The following SLAIN2 variants were observed in gnomAD, a reference collection of about 807,000 sequenced individuals.
The protein encoded by SLAIN2 is SLAIN motif-containing protein 2.
Under a neutral mutation model 56.6 loss-of-function variants are expected in SLAIN2, and 31 were observed. The observed-to-expected ratio is 0.55, with a 90% CI of 0.41 to 0.74. The LOEUF (loss-of-function observed/expected upper bound fraction) is 0.74. SLAIN2 is among the 30% of genes least tolerant of loss of function. SLAIN2 has a pLI of 0.00. For synonymous variants in SLAIN2, 317 were observed against 284.9 expected (o/e 1.11, Z -1.13); for missense variants, 777 against 754.2 (o/e 1.03, Z -0.35).
chr4:48,346,374 T>C (rs1382708397), intron 1 of SLAIN2, among the ~76,000 whole-genome samples: 2 of 152,224 alleles, frequency 1.3e-5, no homozygotes, highest in Non-Finnish European at 2.9e-5. Context: ...CATTTTAAGC[T>C]ACATTCTGGC....
intron 5 of SLAIN2, 136 bp from the exon 6 acceptor site, chr4:48,383,511 G>A: frequency 2.9e-6 from 2 of 686,948 alleles, no homozygotes; most frequent in Non-Finnish European, 2.2e-6. Context: ...TTTTTAATAA[G>A]ACAAGTCCTT....
rs559778132 is a variant in SLAIN2, at chr4:48,341,976, C to T, written c.237C>T (p.Pro79=). The T allele has an allele frequency of 6.0e-5, 86 of 1,432,834 alleles. No individual in the cohort carries two copies. The highest frequency in any genetic ancestry group is 7.5e-5 in the Non-Finnish European group (82 of 1,099,776). 88.8% of individuals were successfully genotyped at this position (1,432,834 alleles called of 1,614,324 possible). Residue 79 remains proline, a synonymous_variant, in exon 1 of 8, where the codon CCC becomes CCT. Transcript: ENST00000264313. ...LGLSAKSGGG[P]GSGPRRTSSE... ...TCAGCGCCAAGTCGGGCGGCGGGCC[C>T]GGGTCGGGCCCGAGGCGGACGAGTA...
At chr4:48,411,893 A>G (rs1716856377) in intron 6 of SLAIN2, among the ~76,000 whole-genome samples, 1 of 152,082 alleles carries the variant, frequency 6.6e-6, no homozygotes, top group Non-Finnish European at 1.5e-5. Context: ...ACTTCTTCCT[A>G]CCCACTTGTA....
rs550564256 is a variant in SLAIN2, at chr4:48,348,828, C to T, written c.389+6700C>T. On this transcript the variant is annotated intron_variant, in intron 1 of 7. Coordinates refer to ENST00000264313, the MANE Select transcript of SLAIN2 (RefSeq NM_020846.2). ...TTCTCTGAATATCCTCAGTAATGGC[C>T]AGTTGTTTTCCTCTTGAGGGTAGGT... Among the ~76,000 whole-genome samples the T allele has an allele frequency of 2.6e-5, 4 of 152,156 alleles. No homozygotes were observed. In the East Asian group the frequency reaches 7.7e-4, roughly 29 times the overall value.
chr4:48,379,625 C>T, intron 3 of SLAIN2, 65 bp from the exon 4 acceptor site: 3 of 1,213,466 alleles, frequency 2.5e-6, no homozygotes, highest in Non-Finnish European at 3.2e-6. Flanking sequence ...AAGTTAGTTG[C>T]AGTAGGCATT....
chr4:48,408,795 C>T (rs1716771356), intron 6 of SLAIN2, among the ~76,000 whole-genome samples: 1 of 151,754 alleles, frequency 6.6e-6, no homozygotes, highest in South Asian at 2.1e-4. Flanking sequence ...ATAAGGTTTG[C>T]AGTAGGGTGT....
chr4:48,344,954 A>T (rs1460337241), intron 1 of SLAIN2, among the ~76,000 whole-genome samples: 2 of 152,202 alleles, frequency 1.3e-5, no homozygotes, highest in Non-Finnish European at 2.9e-5. Context: ...TAACTCAGAA[A>T]AGTTTAGGGA....
chr4:48,404,210 TC>T (rs1194012186), intron 6 of SLAIN2, among the ~76,000 whole-genome samples: 1 of 152,220 alleles, frequency 6.6e-6, no homozygotes, highest in East Asian at 1.9e-4. Context: ...CACTGCTACT[TC>T]CAATTGACCA....
chr4:48,406,525 C>CTTT (rs34797619), intron 6 of SLAIN2, among the ~76,000 whole-genome samples: 4 of 135,088 alleles, frequency 3.0e-5, no homozygotes, highest in Admixed American at 1.5e-4. Flanking sequence ...CTCTCTCTCT[C>CTTT]TTTTTTTTTT....
chr4:48,420,543 T>TC (rs1266398845), intron 7 of SLAIN2, 100 bp downstream of exon 7: 18 of 1,322,164 alleles, frequency 1.4e-5, no homozygotes, highest in Non-Finnish European at 1.9e-5. Flanking sequence ...AAACAGAAAG[T>TC]CATGGTGGAT....
intron 1 of SLAIN2, among the ~76,000 whole-genome samples, chr4:48,365,121 A>G (rs1715479023): frequency 6.6e-6 from 1 of 151,428 alleles, no homozygotes; most frequent in African/African-American, 2.4e-5. Context: ...GGTAAGTTAT[A>G]TTTTCTTTTT....
At chr4:48,363,958 T>C (rs1285555595) in intron 1 of SLAIN2, among the ~76,000 whole-genome samples, 3 of 128,630 alleles carry the variant, frequency 2.3e-5, no homozygotes, top group East Asian at 2.4e-4. Context: ...ACGGGGCGGC[T>C]GGCCGGGCAG....
chr4:48,382,297 C>T (rs1715990252), intron 4 of SLAIN2, among the ~76,000 whole-genome samples: 1 of 151,962 alleles, frequency 6.6e-6, no homozygotes, highest in Non-Finnish European at 1.5e-5. Context: ...TATGATTCTA[C>T]CATGTGAGAC....
At chr4:48,362,667 C>T (rs1277388790) in intron 1 of SLAIN2, among the ~76,000 whole-genome samples, 11 of 151,016 alleles carry the variant, frequency 7.3e-5, no homozygotes, top group Non-Finnish European at 1.6e-4. Context: ...GATCCGCCCA[C>T]CTCAGCCTCC....
In SLAIN2 at chr4:48,423,627, A is replaced by T. The variant is rs183921714; in HGVS notation, c.*1550A>T. 6.6e-6 allele frequency: 1 copy of T among 152,300 alleles called. No individual in the cohort carries two copies. The highest frequency in any genetic ancestry group is 1.9e-4 in the East Asian group (1 of 5,184). 9.4% of individuals were successfully genotyped at this position (152,300 alleles called of 1,614,324 possible). On this transcript the variant is annotated 3_prime_UTR_variant, in exon 8 of 8. Coordinates refer to ENST00000264313, the MANE Select transcript of SLAIN2 (RefSeq NM_020846.2). ...GTTGATAGGTTGATGATAAAAACTT[A>T]AAACCAGGACCTCCATTCTGTCATG...
chr4:48,384,380 G>C (rs1172006314), intron 6 of SLAIN2, among the ~76,000 whole-genome samples: 2 of 152,020 alleles, frequency 1.3e-5, no homozygotes, highest in African/African-American at 4.8e-5. Flanking sequence ...GTTTTGATTT[G>C]ATTTTCTGTG....
At chr4:48,354,789 A>G (rs1283178695) in intron 1 of SLAIN2, among the ~76,000 whole-genome samples, 1 of 152,152 alleles carries the variant, frequency 6.6e-6, no homozygotes, top group Non-Finnish European at 1.5e-5. Flanking sequence ...GAAAGGAACA[A>G]ATAATGAAAT....
chr4:48,410,632 G>T (rs1229231920), intron 6 of SLAIN2, among the ~76,000 whole-genome samples: 2 of 152,024 alleles, frequency 1.3e-5, no homozygotes, highest in Non-Finnish European at 2.9e-5. Flanking sequence ...GTCCGGCTCC[G>T]CTTGCAGTAT....
At chr4:48,378,531 A>G (rs78156028) in intron 3 of SLAIN2, among the ~76,000 whole-genome samples, 3,154 of 152,280 alleles carry the variant, frequency 0.021, 52 homozygotes, top group Non-Finnish European at 0.03. Flanking sequence ...CAGGGAAAGA[A>G]TGTTCTGCTC....
Sources: allele counts gnomAD v4.1 joint callset (sites outside exome capture counted in the v4.1 genomes callset), GRCh38; gene constraint gnomAD v4.1.1; transcripts MANE v1.5; gene names NCBI Gene and HGNC (gene_info 2026-07-23, HGNC 2026-07-21).